The following ZDHHC5 variants were observed in gnomAD, a reference collection of about 807,000 sequenced individuals.
ZDHHC5 encodes the protein zDHHC palmitoyltransferase 5, also known as palmitoyltransferase ZDHHC5.
ZDHHC5 carries 22 observed loss-of-function variants against 70.0 expected under a neutral mutation model. That is an observed-to-expected ratio of 0.31 (90% CI 0.22 to 0.45). The LOEUF is 0.45. Among genes scored for constraint, ZDHHC5 ranks in the 20% least tolerant of loss-of-function variants. ZDHHC5 has a pLI of 1.00. For missense variants in ZDHHC5, 746 were observed against 926.9 expected (o/e 0.80, Z 2.53); for synonymous variants, 313 against 347.8 (o/e 0.90, Z 1.11).
intron 8 of ZDHHC5, 149 bp from the exon 9 acceptor site, chr11:57,695,770 TG>T: frequency 9.3e-7 from 1 of 1,076,734 alleles, no homozygotes; most frequent in Non-Finnish European, 1.3e-6. Context: ...TACTCCAGCC[TG>T]GTCAACAGAG....
chr11:57,691,066 T>C (rs777661666), intron 6 of ZDHHC5, among the ~76,000 whole-genome samples: 1 of 152,088 alleles, frequency 6.6e-6, no homozygotes, highest in Non-Finnish European at 1.5e-5. Context: ...CCCTAAAATA[T>C]CTTTTTTTAT....
At chr11:57,691,804 A>G (rs925296422) in intron 6 of ZDHHC5, among the ~76,000 whole-genome samples, 4 of 152,080 alleles carry the variant, frequency 2.6e-5, no homozygotes, top group African/African-American at 9.7e-5. Context: ...TCCTAAAAAA[A>G]AAAAAGAATA....
intron 3 of ZDHHC5, among the ~76,000 whole-genome samples, chr11:57,687,788 G>A (rs58178311): frequency 1.3e-5 from 1 of 78,938 alleles, no homozygotes; most frequent in East Asian, 1.0e-3. Context: ...TTTTTAAGAT[G>A]AAGATGAAGT....
chr11:57,679,173 A>G (rs1325203506), intron 2 of ZDHHC5, among the ~76,000 whole-genome samples: 1 of 151,924 alleles, frequency 6.6e-6, no homozygotes, highest in African/African-American at 2.4e-5. Context: ...TTTTGTATAT[A>G]TATTTTGAGA....
chr11:57,685,952 G>C (rs372603077), intron 3 of ZDHHC5, among the ~76,000 whole-genome samples: 1 of 152,200 alleles, frequency 6.6e-6, no homozygotes, highest in African/African-American at 2.4e-5. Flanking sequence ...GCTTGAACCC[G>C]GGAGGTGGAG....
intron 3 of ZDHHC5, among the ~76,000 whole-genome samples, chr11:57,684,189 C>A (rs1392345006): frequency 6.6e-6 from 1 of 152,082 alleles, no homozygotes; most frequent in Non-Finnish European, 1.5e-5. Context: ...ATTGGCCAGG[C>A]TGGTATTGAA....
intron 1 of ZDHHC5, among the ~76,000 whole-genome samples, chr11:57,669,564 C>G (rs527618399): frequency 6.6e-6 from 1 of 152,300 alleles, no homozygotes; most frequent in South Asian, 2.1e-4. Flanking sequence ...TCAAGCGATT[C>G]TCGTGTCTCA....
At chr11:57,679,718 T>TGG (rs1946123757) in intron 2 of ZDHHC5, among the ~76,000 whole-genome samples, 1 of 151,832 alleles carries the variant, frequency 6.6e-6, no homozygotes, top group Admixed American at 6.6e-5. Context: ...CCACTTGGGG[T>TGG]GGTCACCTAG....
intron 4 of ZDHHC5, 78 bp downstream of exon 4, chr11:57,688,743 T>C: frequency 6.8e-7 from 1 of 1,463,086 alleles, no homozygotes; most frequent in Non-Finnish European, 9.1e-7. Context: ...GATTCTTAGC[T>C]TTGGATGTGG....
Position 57,692,692 on chromosome 11 carries a change from C to T in ZDHHC5, c.742C>T (p.Pro248Ser). 6.2e-7 allele frequency: 1 copy of T among 1,614,136 alleles called. No homozygotes were observed. The highest frequency in any genetic ancestry group is 8.5e-7 in the Non-Finnish European group (1 of 1,180,020). ...TGTCAGCCGTGTTCTCTGCAGTTCTCCAGCACCCAGGTACACCTATCCCTC... is the reference window on the plus strand; with the variant it reads ...TGTCAGCCGTGTTCTCTGCAGTTCTTCAGCACCCAGGTACACCTATCCCTC... Reference protein sequence around the residue: ...NNVSRVLCSSPAPRYLGRPKK... With the variant: ...NNVSRVLCSSSAPRYLGRPKK... The change falls in exon 7 of 12, where the codon CCA becomes TCA. Residue 248 changes from proline to serine, a missense_variant. Around this residue, in one of 6 missense-constraint regions of ZDHHC5, gnomAD observed 114 missense variants for 179.3 expected, o/e 0.64. Transcript: ENST00000287169.
chr11:57,699,853 C>A lies in ZDHHC5; in HGVS notation c.1983-13C>A. On this transcript the variant is annotated splice_polypyrimidine_tract_variant and intron_variant, in intron 11 of 11. Coordinates refer to ENST00000287169, the MANE Select transcript of ZDHHC5 (RefSeq NM_015457.3). ...CCATTTCCTGACACCTACGTCTTGT[C>A]TCTTCTTTCCAGAGATGAAGTACAG... is the stretch of plus-strand genomic sequence containing the variant. 3 of 1,614,202 alleles carry A rather than the reference C, an allele frequency of 1.9e-6. No individual in the cohort carries two copies. The highest frequency in any genetic ancestry group is 2.5e-6 in the Non-Finnish European group (3 of 1,180,016).
chr11:57,686,827 G>A (rs1010592085), intron 3 of ZDHHC5, among the ~76,000 whole-genome samples: 90 of 137,026 alleles, frequency 6.6e-4, no homozygotes, highest in African/African-American at 2.0e-3. Flanking sequence ...ATTTGTGTGT[G>A]TGTGTGTTTT....
chr11:57,670,115 A>G (rs1376479573), intron 1 of ZDHHC5, among the ~76,000 whole-genome samples: 1 of 152,236 alleles, frequency 6.6e-6, no homozygotes, highest in Non-Finnish European at 1.5e-5. Context: ...TACTCTAGAT[A>G]AAATTTAAGT....
At chr11:57,668,953 T>C (rs182228142) in intron 1 of ZDHHC5, among the ~76,000 whole-genome samples, 7 of 152,364 alleles carry the variant, frequency 4.6e-5, no homozygotes, top group Admixed American at 4.6e-4. Context: ...CACATATACG[T>C]TATACGCTAG....
intron 2 of ZDHHC5, among the ~76,000 whole-genome samples, chr11:57,677,337 A>G (rs1173944415): frequency 8.5e-6 from 1 of 117,784 alleles, no homozygotes; most frequent in African/African-American, 3.4e-5. Context: ...CCCAGGCTGG[A>G]GTGTGGTGGT....
intron 2 of ZDHHC5, among the ~76,000 whole-genome samples, chr11:57,676,785 G>A (rs1946076755): frequency 1.3e-5 from 2 of 151,894 alleles, no homozygotes; most frequent in South Asian, 4.1e-4. Context: ...ACACCATTTC[G>A]AATCACTTTG....
chr11:57,696,537 A>G (rs1215657247), intron 9 of ZDHHC5, among the ~76,000 whole-genome samples: 1 of 151,980 alleles, frequency 6.6e-6, no homozygotes, highest in East Asian at 1.9e-4. Flanking sequence ...GCAACATAGC[A>G]AGACTCTGTC....
At chr11:57,694,931 C>T (rs937293091) in intron 8 of ZDHHC5, among the ~76,000 whole-genome samples, 9 of 151,870 alleles carry the variant, frequency 5.9e-5, no homozygotes, top group East Asian at 3.9e-4. Flanking sequence ...GACAACATAG[C>T]GAGACTCCAT....
rs1028233346 is a variant in ZDHHC5 at position 57,696,646 on chromosome 11, C to T, written c.1010-115C>T. 7 of 880,850 alleles carry T rather than the reference C, an allele frequency of 7.9e-6. No individual in the cohort carries two copies. In the African/African-American group the frequency reaches 1.2e-4, roughly 15 times the overall value. The allele number at this position is 880,850 out of a possible 1,614,324, so 54.6% of individuals were successfully genotyped here. A position where few individuals can be genotyped will look rare whatever the true frequency, so the allele number is the denominator to read the frequency against. On this transcript the variant is annotated intron_variant, in intron 9 of 11. Coordinates refer to ENST00000287169, the MANE Select transcript of ZDHHC5 (RefSeq NM_015457.3). ...GGTGGGAGCCCAGGAGTTCAAGGCT[C>T]CAGTGAGCTATAATCGTGCCACTGC...
Sources: allele counts gnomAD v4.1 joint callset (sites outside exome capture counted in the v4.1 genomes callset), GRCh38; gene constraint gnomAD v4.1.1; regional missense constraint gnomAD v4.1.1; transcripts MANE v1.5; gene names NCBI Gene and HGNC (gene_info 2026-07-23, HGNC 2026-07-21).